The following FAM241A variants were observed in gnomAD, a reference collection of about 807,000 sequenced individuals.
The protein encoded by FAM241A is uncharacterized protein FAM241A.
A neutral mutation model predicts 12.2 loss-of-function variants in FAM241A; 7 were observed. That is an observed-to-expected ratio of 0.58 (90% CI 0.33 to 1.08). The LOEUF (loss-of-function observed/expected upper bound fraction) is 1.08. Ranked by LOEUF, FAM241A falls within the 50% of genes least tolerant of loss-of-function variation. The pLI, the probability that FAM241A is intolerant of heterozygous loss-of-function variation, is 0.04. For missense variants in FAM241A, 161 were observed against 169.7 expected (o/e 0.95, Z 0.29); for synonymous variants, 74 against 68.2 (o/e 1.08, Z -0.42).
chr4:112,175,340 AGTTT>A (rs755140616), intron 1 of FAM241A, among the ~76,000 whole-genome samples: 1 of 152,170 alleles, frequency 6.6e-6, no homozygotes, highest in African/African-American at 2.4e-5. Context: ...ATCTAACTAC[AGTTT>A]GTTTGTTTTT....
At chr4:112,184,534 A>G (rs1164790375) in intron 1 of FAM241A, among the ~76,000 whole-genome samples, 1 of 152,214 alleles carries the variant, frequency 6.6e-6, no homozygotes, top group Non-Finnish European at 1.5e-5. Flanking sequence ...CTCAAAAAAA[A>G]AAATTATATA....
intron 1 of FAM241A, among the ~76,000 whole-genome samples, chr4:112,173,526 A>G (rs1053142820): frequency 2.0e-5 from 3 of 152,184 alleles, no homozygotes; most frequent in African/African-American, 4.8e-5. Context: ...TGCCCACTTA[A>G]TGATATGTGT....
intron 1 of FAM241A, among the ~76,000 whole-genome samples, chr4:112,184,118 C>A (rs1723995074): frequency 6.6e-6 from 1 of 152,342 alleles, no homozygotes; most frequent in South Asian, 2.1e-4. Flanking sequence ...TGGCTAAGGT[C>A]ATGTCACTCA....
At chr4:112,174,592 T>C (rs973856256) in intron 1 of FAM241A, among the ~76,000 whole-genome samples, 1 of 152,154 alleles carries the variant, frequency 6.6e-6, no homozygotes, top group Non-Finnish European at 1.5e-5. Context: ...ATATTACTAG[T>C]GGCACCGTCA....
At position 112,194,007 on chromosome 4, in the gene FAM241A, A is replaced by C. The variant is rs562612624; in HGVS notation, c.*7069A>C. On this transcript the variant is annotated 3_prime_UTR_variant, in exon 2 of 2. Transcript: ENST00000309733. Reference sequence around the variant, plus strand: ...ATGGAATGTTCTTCCATTTGTTTGTATCCTCTTTTATTTCATTGAGCAGTG... The same window carrying C: ...ATGGAATGTTCTTCCATTTGTTTGTCTCCTCTTTTATTTCATTGAGCAGTG... The C allele has an allele frequency of 2.0e-5, 3 of 147,038 alleles. No individual in the cohort carries two copies. The highest frequency in any genetic ancestry group is 4.5e-5 in the Non-Finnish European group (3 of 67,104). 9.1% of individuals were successfully genotyped at this position (147,038 alleles called of 1,614,324 possible). A position where few individuals can be genotyped will look rare whatever the true frequency, so the allele number is the denominator to read the frequency against.
At chr4:112,164,450 G>T (rs1346588444) in intron 1 of FAM241A, among the ~76,000 whole-genome samples, 2 of 151,270 alleles carry the variant, frequency 1.3e-5, no homozygotes, top group African/African-American at 4.9e-5. Context: ...GACCTATTGT[G>T]GGGTGGGGAA....
rs116812382 is a variant in FAM241A at position 112,150,402 on chromosome 4, G to T, written c.153+4669G>T. On this transcript the variant is annotated intron_variant, in intron 1 of 1. Coordinates refer to ENST00000309733, the MANE Select transcript of FAM241A (RefSeq NM_152400.3). ...ATACTGGTACTAATAAATACTAGTAGCTCTTAGACTTGATTCATTTGCATC... is the reference window on the plus strand; with the variant it reads ...ATACTGGTACTAATAAATACTAGTATCTCTTAGACTTGATTCATTTGCATC... 5.4e-3 allele frequency among the ~76,000 whole-genome samples: 828 copies of T among 152,164 alleles called. 6 individuals are homozygous for T. The highest frequency in any genetic ancestry group is 0.018 in the African/African-American group (765 of 41,506).
At position 112,179,914 on chromosome 4, in the gene FAM241A, GATAT is replaced by G. The variant is rs34513702; in HGVS notation, c.154-6758_154-6755del. ...ATGGTGGATTGCATAAAGAAAATGTGATATATATATATATATATATATATGTATA... is the reference window on the plus strand; with the variant it reads ...ATGGTGGATTGCATAAAGAAAATGTGATATATATATATATATATATGTATA... On this transcript the variant is annotated intron_variant, in intron 1 of 1. Coordinates refer to ENST00000309733, the MANE Select transcript of FAM241A (RefSeq NM_152400.3). Among the ~76,000 whole-genome samples, 297 of 117,698 alleles carry G rather than the reference GATAT, an allele frequency of 2.5e-3. 6 individuals carry two copies. The highest frequency in any genetic ancestry group is 0.02 in the Middle Eastern group (4 of 202). 77.2% of individuals were successfully genotyped at this position (117,698 alleles called of 152,430 possible).
chr4:112,148,004 C>G (rs1723174093), intron 1 of FAM241A, among the ~76,000 whole-genome samples: 1 of 152,092 alleles, frequency 6.6e-6, no homozygotes, highest in South Asian at 2.1e-4. Flanking sequence ...CAGAAAAGAG[C>G]TATGGTTGTA....
At chr4:112,184,132 A>G (rs1723995405) in intron 1 of FAM241A, among the ~76,000 whole-genome samples, 1 of 152,246 alleles carries the variant, frequency 6.6e-6, no homozygotes, top group Non-Finnish European at 1.5e-5. Context: ...TCACTCAGTT[A>G]AAGTGTTGCA....
chr4:112,179,914 G>GATATATATATATATATATATATAT (rs34513702), intron 1 of FAM241A, among the ~76,000 whole-genome samples: 2 of 117,770 alleles, frequency 1.7e-5, no homozygotes, highest in African/African-American at 6.9e-5. Context: ...AAGAAAATGT[G>GATATATATATATATATATATATAT]ATATATATAT....
At chr4:112,161,607 C>T (rs927845418) in intron 1 of FAM241A, among the ~76,000 whole-genome samples, 25 of 151,992 alleles carry the variant, frequency 1.6e-4, no homozygotes, top group Admixed American at 1.1e-3. Flanking sequence ...AAGACTAAAC[C>T]GGGAAGAATT....
intron 1 of FAM241A, among the ~76,000 whole-genome samples, chr4:112,154,324 A>G (rs535780464): frequency 2.0e-5 from 3 of 152,074 alleles, no homozygotes; most frequent in East Asian, 1.9e-4. Flanking sequence ...CAGGAGTGCA[A>G]TGGTAGGATC....
At position 112,191,960 on chromosome 4, in the gene FAM241A, A is replaced by G. The variant is rs1488626572; in HGVS notation, c.*5022A>G. On this transcript the variant is annotated 3_prime_UTR_variant, in exon 2 of 2. Coordinates refer to ENST00000309733, the MANE Select transcript of FAM241A (RefSeq NM_152400.3). ...TAATAGGCCATCAAAATATTTATCA[A>G]GTAAACCCACTTCATCTACTCATGG... 1 of 152,190 alleles carries G rather than the reference A, an allele frequency of 6.6e-6. No homozygotes were observed. Among genetic ancestry groups the G allele is most frequent in the Non-Finnish European group, 1.5e-5 (1 of 68,034 alleles). The allele number at this position is 152,190 out of a possible 1,614,324, so 9.4% of individuals were successfully genotyped here.
chr4:112,189,974 G>T lies in FAM241A; in HGVS notation c.*3036G>T, dbSNP rs1724131091. ...ACAGAACACATTTTGTGAAATAAAA[G>T]AAAGCATATGAGGTAAATCCCCATC... On this transcript the variant is annotated 3_prime_UTR_variant, in exon 2 of 2. Transcript: ENST00000309733. 7.1e-6 allele frequency: 1 copy of T among 140,216 alleles called. No individual in the cohort carries two copies. The highest frequency in any genetic ancestry group is 2.8e-5 in the African/African-American group (1 of 36,040). 8.7% of individuals were successfully genotyped at this position (140,216 alleles called of 1,614,324 possible). A position where few individuals can be genotyped will look rare whatever the true frequency, so the allele number is the denominator to read the frequency against.
Position 112,188,787 on chromosome 4 carries a change from G to A in FAM241A, c.*1849G>A, listed in dbSNP as rs1265626856. ...AGCTCTGGTTCCACCAGTACCTAAT[G>A]TTGAAAACATTTTTAAAGTAATTTT... On this transcript the variant is annotated 3_prime_UTR_variant, in exon 2 of 2. Transcript: ENST00000309733. The A allele has an allele frequency of 6.6e-6, 1 of 151,990 alleles. No homozygotes were observed. Among genetic ancestry groups the A allele is most frequent in the African/African-American group, 2.4e-5 (1 of 41,376 alleles). 9.4% of individuals were successfully genotyped at this position (151,990 alleles called of 1,614,324 possible).
chr4:112,177,464 A>G (rs1290589909), intron 1 of FAM241A, among the ~76,000 whole-genome samples: 2 of 152,176 alleles, frequency 1.3e-5, no homozygotes, highest in Non-Finnish European at 2.9e-5. Context: ...GGTTCACATC[A>G]TAGATCTTTC....
intron 1 of FAM241A, among the ~76,000 whole-genome samples, chr4:112,158,651 G>A (rs1290987394): frequency 6.6e-6 from 1 of 152,082 alleles, no homozygotes; most frequent in Admixed American, 6.5e-5. Context: ...AAGGTAGACA[G>A]GGAATGTGGA....
intron 1 of FAM241A, among the ~76,000 whole-genome samples, chr4:112,171,847 A>G (rs572510524): frequency 2.0e-5 from 3 of 152,280 alleles, no homozygotes; most frequent in African/African-American, 7.2e-5. Flanking sequence ...TGACAGAGTG[A>G]GACTCTGTCT....
Sources: gnomAD v4.1 joint callset for allele counts (sites outside exome capture counted in the v4.1 genomes callset) on GRCh38, gnomAD v4.1.1 for gene constraint, MANE v1.5 for transcripts, NCBI Gene and HGNC (gene_info 2026-07-23, HGNC 2026-07-21) for gene names.